Variants in ITGAX observed in about 807,000 individuals in gnomAD.
The protein encoded by ITGAX is integrin alpha-X.
Under a neutral mutation model 140.2 loss-of-function variants are expected in ITGAX, and 99 were observed. The ratio of observed to expected loss-of-function variants is 0.71; its 90% CI spans 0.60 to 0.83. ITGAX has a LOEUF of 0.83. Among genes scored for constraint, ITGAX ranks in the 40% least tolerant of loss-of-function variants. The pLI is 0.00. For synonymous variants in ITGAX, 631 were observed against 600.4 expected (o/e 1.05, Z -0.75); for missense variants, 1,444 against 1,482.0 (o/e 0.97, Z 0.42).
At chr16:31,357,716 AGAG>A in intron 5 of ITGAX, 3 of 441,430 alleles carry the variant, frequency 6.8e-6, no homozygotes, top group Non-Finnish European at 1.2e-5. Context: ...TGTTATTTTT[AGAG>A]GAGAGGATCT....
chr16:31,357,330 C>G lies in ITGAX; in HGVS notation c.396C>G (p.Thr132=), dbSNP rs1391649718. The G allele has an allele frequency of 6.2e-7, 1 of 1,606,696 alleles. No individual in the cohort carries two copies. Among genetic ancestry groups the G allele is most frequent in the Admixed American group, 1.7e-5 (1 of 59,416 alleles). ...LTGLCFLLGP[T]QLTQRLPVSR... is the part of the protein sequence containing the mutation. ...GACTCTGCTTCCTCCTGGGCCCCAC[C>G]CAGCTCACCCAGAGGCTCCCGGTGT... The change falls in exon 5 of 30, where the codon ACC becomes ACG. Residue 132 remains threonine, a synonymous_variant. Coordinates refer to ENST00000268296, the MANE Select transcript of ITGAX (RefSeq NM_000887.5).
chr16:31,381,685 TG>T, intron 29 of ITGAX, 117 bp from the exon 30 acceptor site: 2 of 713,820 alleles, frequency 2.8e-6, no homozygotes, highest in Non-Finnish European at 5.0e-6. Context: ...AAGTTCCTAG[TG>T]CAGTGCTTTG....
chr16:31,356,055 C>T, intron 2 of ITGAX, 57 bp downstream of exon 2: 1 of 1,257,448 alleles, frequency 8.0e-7, no homozygotes, highest in South Asian at 1.2e-5. Flanking sequence ...TGCTCAGGGC[C>T]CCATGCCCCC....
intron 20 of ITGAX, among the ~76,000 whole-genome samples, chr16:31,376,072 A>G (rs1452378645): frequency 1.3e-5 from 2 of 152,246 alleles, no homozygotes; most frequent in African/African-American, 4.8e-5. Context: ...AGATGAAACA[A>G]TATGGTGTTT....
At chr16:31,356,065 C>T (rs1235421399) in intron 2 of ITGAX, 67 bp downstream of exon 2, 30 of 1,103,294 alleles carry the variant, frequency 2.7e-5, no homozygotes, top group African/African-American at 6.3e-5. Flanking sequence ...CCCATGCCCC[C>T]GGCCCTGCCC....
intron 19 of ITGAX, 23 bp from the exon 20 acceptor site, chr16:31,373,226 C>G: frequency 5.2e-6 from 8 of 1,538,916 alleles, no homozygotes; most frequent in Non-Finnish European, 7.1e-6. Context: ...ATCATCTTCT[C>G]CTTTCCTTCA....
In ITGAX at chr16:31,373,937, C is replaced by T. The variant is rs987361196; in HGVS notation, c.2508+547C>T. Among the ~76,000 whole-genome samples the T allele has an allele frequency of 4.6e-5, 7 of 152,290 alleles. No homozygotes were observed. In the East Asian group the frequency reaches 1.3e-3, roughly 29 times the overall value. On this transcript the variant is annotated intron_variant, in intron 20 of 29. Transcript: ENST00000268296. ...AGTGGCTGTTGGTTGCCAATCCCTG[C>T]TTTAAAATGCAGAACTAGGACCACG...
Position 31,376,810 on chromosome 16 carries a change from G to T in ITGAX, c.2520G>T (p.Gln840His), listed in dbSNP as rs1486241570. ...RYVAEGQKQG[Q>H]LRSLHLTCDS... ...TTTCTCATGCCTAGAAACAAGGGCA[G>T]CTGCGTTCCCTGCACCTGACATGTG... Residue 840 changes from glutamine to histidine, a missense_variant, in exon 21 of 30, where the codon CAG becomes CAT. Physicochemically the swap from Gln to His is conservative, Grantham distance 24. Transcript: ENST00000268296. The T allele has an allele frequency of 1.2e-6, 2 of 1,614,042 alleles. No individual in the cohort carries two copies. The highest frequency in any genetic ancestry group is 1.7e-6 in the Non-Finnish European group (2 of 1,180,012).
At chr16:31,364,306 T>TAA (rs768106635) in intron 14 of ITGAX, among the ~76,000 whole-genome samples, 3 of 151,350 alleles carry the variant, frequency 2.0e-5, no homozygotes, top group Non-Finnish European at 2.9e-5. Flanking sequence ...GTAGTAACTG[T>TAA]AGTCCCAATT....
rs779685572 is a variant in ITGAX, at chr16:31,380,473, T to G, written c.3175-50T>G. The G allele has an allele frequency of 1.4e-5, 22 of 1,613,352 alleles. 1 individual carries two copies. Among genetic ancestry groups the G allele is most frequent in the Non-Finnish European group, 1.7e-5 (20 of 1,179,450 alleles). On this transcript the variant is annotated intron_variant, in intron 27 of 29. Coordinates refer to ENST00000268296, the MANE Select transcript of ITGAX (RefSeq NM_000887.5). ...GCAAGCCAGGGCACCCCCAGAGCTC[T>G]GAGCCTCCCCCAGAGCCAGTTCAAC...
rs549858315 is a variant in ITGAX, at chr16:31,381,982, G to T, written c.*75G>T. On this transcript the variant is annotated 3_prime_UTR_variant, in exon 30 of 30. Transcript: ENST00000268296. ...CTTACCCTCACCTGTCAGGCCTGAC[G>T]GGGAGGAACCACTGCACCACCGAGA... 7 of 1,477,706 alleles carry T rather than the reference G, an allele frequency of 4.7e-6. 1 individual carries two copies. In the Admixed American group the frequency reaches 1.2e-4, roughly 25 times the overall value. The allele number at this position is 1,477,706 out of a possible 1,614,324, so 91.5% of individuals were successfully genotyped here.
In ITGAX at chr16:31,372,385, T is replaced by C; in HGVS notation, c.2168T>C (p.Val723Ala). The change falls in exon 18 of 30, where the codon GTG (valine) becomes GCG (alanine). Residue 723 changes from valine (V) to alanine (A), a missense_variant. Val to Ala is a moderately conservative substitution (Grantham distance 64). Transcript: ENST00000268296. Reference sequence around the variant, plus strand: ...GCGACGCCCGTCCCCCAGAGCTGCGTGGAGGACTCTGTGACCCCCATTACC... The same window carrying C: ...GCGACGCCCGTCCCCCAGAGCTGCGCGGAGGACTCTGTGACCCCCATTACC... ...ENFNLLLPSCVEDSVTPITLR... is the reference protein window; with the variant it reads ...ENFNLLLPSCAEDSVTPITLR... The C allele has an allele frequency of 1.2e-6, 2 of 1,606,086 alleles. No homozygotes were observed. The highest frequency in any genetic ancestry group is 1.8e-5 in the Admixed American group (1 of 56,704).
At position 31,362,177 on chromosome 16, in the gene ITGAX, A is replaced by G. The variant is rs1208955877; in HGVS notation, c.1189A>G (p.Asn397Asp). The change falls in exon 11 of 30, where the codon AAT (asparagine) becomes GAT (aspartate). Residue 397 changes from asparagine to aspartate, a missense_variant. Transcript: ENST00000268296. The part of the protein sequence containing the change: ...SPTFINMSQE[N>D]VDMRDSYLGY... ...TACCTTCATCAACATGTCTCAGGAG[A>G]ATGTGGACATGAGGGACTCTTACCT... 1.2e-6 allele frequency: 2 copies of G among 1,613,818 alleles called. No individual in the cohort carries two copies. The highest frequency in any genetic ancestry group is 1.7e-6 in the Non-Finnish European group (2 of 1,179,950).
At chr16:31,377,312 T>TAAA in intron 23 of ITGAX, 47 bp downstream of exon 23, 1 of 1,165,754 alleles carries the variant, frequency 8.6e-7, no homozygotes, top group African/African-American at 2.7e-5. Context: ...CTCTCTGACC[T>TAAA]CAAAAAGAAA....
Position 31,382,089 on chromosome 16 carries a change from C to A in ITGAX, c.*182C>A, listed in dbSNP as rs1325576560. On this transcript the variant is annotated 3_prime_UTR_variant, in exon 30 of 30. Transcript: ENST00000268296. Reference sequence around the variant, plus strand: ...GGCCTTTGTCTTGTCAAGGTTCCAACTGGAAACCCTTAGGACAGGGTCCCT... The same window carrying A: ...GGCCTTTGTCTTGTCAAGGTTCCAAATGGAAACCCTTAGGACAGGGTCCCT... The A allele has an allele frequency of 7.0e-7, 1 of 1,433,894 alleles. No individual in the cohort carries two copies. The highest frequency in any genetic ancestry group is 1.5e-5 in the South Asian group (1 of 66,286). 88.8% of individuals were successfully genotyped at this position (1,433,894 alleles called of 1,614,324 possible). A position where few individuals can be genotyped will look rare whatever the true frequency, so the allele number is the denominator to read the frequency against.
At chr16:31,366,301 C>G (rs2080892294) in intron 14 of ITGAX, among the ~76,000 whole-genome samples, 2 of 152,182 alleles carry the variant, frequency 1.3e-5, no homozygotes, top group African/African-American at 4.8e-5. Context: ...CTATTGTCCT[C>G]TTTTTGGGGC....
chr16:31,360,167 G>T, intron 7 of ITGAX, 102 bp downstream of exon 7: 1 of 1,540,604 alleles, frequency 6.5e-7, no homozygotes, highest in Non-Finnish European at 8.8e-7. Context: ...CCAAAATCCA[G>T]CCCGTGATAC....
intron 5 of ITGAX, 92 bp from the exon 6 acceptor site, chr16:31,359,608 G>C (rs113279134): frequency 2.0e-6 from 3 of 1,478,944 alleles, no homozygotes; most frequent in Non-Finnish European, 2.8e-6. Context: ...GGGGAGGAAG[G>C]GTTTTGGGAG....
chr16:31,368,149 G>GT (rs59463705), intron 14 of ITGAX, among the ~76,000 whole-genome samples: 66,782 of 142,750 alleles, frequency 0.47, 15,623 homozygotes, highest in South Asian at 0.75. Flanking sequence ...GAAAGAAAGT[G>GT]TTTTTTTTTT....
Sources: allele counts gnomAD v4.1 joint callset (sites outside exome capture counted in the v4.1 genomes callset), GRCh38; gene constraint gnomAD v4.1.1; transcripts MANE v1.5; gene names NCBI Gene and HGNC (gene_info 2026-07-23, HGNC 2026-07-21).